Variants in EPHX2 observed in about 807,000 individuals in gnomAD.
The protein encoded by EPHX2 is epoxide hydrolase 2, also known as bifunctional epoxide hydrolase 2.
A neutral mutation model predicts 78.7 loss-of-function variants in EPHX2; 74 were observed. That is an observed-to-expected ratio of 0.94 (90% CI 0.78 to 1.14). The LOEUF (loss-of-function observed/expected upper bound fraction) is 1.14, where lower values mean the gene tolerates loss of function less well. EPHX2 is among the 50% of genes most tolerant of loss of function. EPHX2 has a pLI of 0.00. For missense variants in EPHX2, 715 were observed against 702.5 expected (o/e 1.02, Z -0.20); for synonymous variants, 251 against 255.2 (o/e 0.98, Z 0.16).
intron 2 of EPHX2, among the ~76,000 whole-genome samples, chr8:27,503,041 G>A (rs971043517): frequency 2.0e-5 from 3 of 152,172 alleles, no homozygotes; most frequent in Non-Finnish European, 4.4e-5. Context: ...GGGCCTTCAG[G>A]AAGTAATTGG....
At chr8:27,500,525 CA>C (rs563504341) in intron 1 of EPHX2, among the ~76,000 whole-genome samples, 5 of 152,246 alleles carry the variant, frequency 3.3e-5, no homozygotes, top group African/African-American at 9.6e-5. Flanking sequence ...ATCGAAACCA[CA>C]AAAAACATAT....
At chr8:27,528,047 G>T (rs1814909424) in intron 12 of EPHX2, among the ~76,000 whole-genome samples, 1 of 152,096 alleles carries the variant, frequency 6.6e-6, no homozygotes, top group Admixed American at 6.5e-5. Flanking sequence ...GCGCTATGGG[G>T]AGTCAAGCAG....
rs1345258209 is a variant in EPHX2 at position 27,544,781 on chromosome 8, T to C, written c.*259T>C. 4.0e-6 allele frequency: 2 copies of C among 499,948 alleles called. No individual in the cohort carries two copies. Among genetic ancestry groups the C allele is most frequent in the African/African-American group, 1.9e-5 (1 of 52,030 alleles). The allele number at this position is 499,948 out of a possible 1,614,324, so 31.0% of individuals were successfully genotyped here. On this transcript the variant is annotated 3_prime_UTR_variant, in exon 19 of 19. Coordinates refer to ENST00000521400, the MANE Select transcript of EPHX2 (RefSeq NM_001979.6). ...TTATCTGTAAGAACCCTTAGTGTCC[T>C]GTAGGGGGACAGAATGGGGTGGCCA...
At chr8:27,538,731 C>CTGAA in intron 14 of EPHX2, 39 bp downstream of exon 14, 1 of 1,604,554 alleles carries the variant, frequency 6.2e-7, no homozygotes, top group Non-Finnish European at 8.5e-7. Context: ...CTGGAACCAG[C>CTGAA]TGAATGTTAA....
intron 11 of EPHX2, among the ~76,000 whole-genome samples, chr8:27,525,106 G>GCGCA (rs1814788290): frequency 7.4e-6 from 1 of 134,976 alleles, no homozygotes; most frequent in African/African-American, 3.1e-5. Context: ...GTGTGTGTGT[G>GCGCA]TGCGCGCGCG....
chr8:27,503,776 T>TA lies in EPHX2; in HGVS notation c.346+14dup. On this transcript the variant is annotated intron_variant, in intron 3 of 18. Transcript: ENST00000521400. ...CTCAGGAAGAAAGGTAAGGATCTGA[T>TA]ACTGGCCAATCTCAGGCCGAACCAC... The TA allele has an allele frequency of 2.5e-6, 4 of 1,606,868 alleles. No individual in the cohort carries two copies. Among genetic ancestry groups the TA allele is most frequent in the Non-Finnish European group, 3.4e-6 (4 of 1,178,890 alleles).
chr8:27,532,044 A>G (rs1221431959), intron 12 of EPHX2, among the ~76,000 whole-genome samples: 1 of 151,962 alleles, frequency 6.6e-6, no homozygotes, highest in Non-Finnish European at 1.5e-5. Flanking sequence ...CGCACATGGG[A>G]AGTAAATTGA....
chr8:27,497,689 G>A (rs950124244), intron 1 of EPHX2, among the ~76,000 whole-genome samples: 5 of 152,184 alleles, frequency 3.3e-5, no homozygotes, highest in Non-Finnish European at 1.5e-5. Flanking sequence ...TCAGGTGACA[G>A]GGGAGTATAT....
chr8:27,537,755 C>A (rs1815259113), intron 13 of EPHX2, among the ~76,000 whole-genome samples: 1 of 151,982 alleles, frequency 6.6e-6, no homozygotes, highest in South Asian at 2.1e-4. Context: ...ATTTCTAATT[C>A]TCTCTTGTTT....
chr8:27,501,863 A>G (rs965721856), intron 2 of EPHX2, among the ~76,000 whole-genome samples: 6 of 152,186 alleles, frequency 3.9e-5, no homozygotes, highest in African/African-American at 1.4e-4. Flanking sequence ...AGCCTGGAAA[A>G]CTAAATTATA....
intron 3 of EPHX2, 118 bp downstream of exon 3, chr8:27,503,881 G>C: frequency 1.5e-6 from 2 of 1,310,444 alleles, no homozygotes; most frequent in Admixed American, 5.0e-5. Context: ...ACGATGGAAA[G>C]CCTCTTTAAA....
chr8:27,507,076 C>T, intron 5 of EPHX2, 82 bp downstream of exon 5: 1 of 1,550,466 alleles, frequency 6.4e-7, no homozygotes, highest in South Asian at 1.2e-5. Flanking sequence ...AGCAGAGAAG[C>T]TGCTGTCCGT....
chr8:27,546,218 G>A (rs1815574438), downstream of EPHX2, among the ~76,000 whole-genome samples: 1 of 151,858 alleles, frequency 6.6e-6, no homozygotes, highest in African/African-American at 2.4e-5. Flanking sequence ...TACTCGCCTT[G>A]TGACCTTGAA....
Position 27,501,095 on chromosome 8 carries a change from A to G in EPHX2, c.186+85A>G, listed in dbSNP as rs773541086. ...CTCCCCGAACTTGGGGCCCACCATA[A>G]TAGAAAACACCCACCTTTTCTGTGA... On this transcript the variant is annotated intron_variant, in intron 2 of 18. Coordinates refer to ENST00000521400, the MANE Select transcript of EPHX2 (RefSeq NM_001979.6). 238 of 1,163,830 alleles carry G rather than the reference A, an allele frequency of 2.0e-4. 1 individual carries two copies. The highest frequency in any genetic ancestry group is 2.7e-4 in the Non-Finnish European group (216 of 796,836). The allele number at this position is 1,163,830 out of a possible 1,614,324, so 72.1% of individuals were successfully genotyped here. A position where few individuals can be genotyped will look rare whatever the true frequency, so the allele number is the denominator to read the frequency against.
At chr8:27,494,998 G>C (rs968291684) in intron 1 of EPHX2, among the ~76,000 whole-genome samples, 2 of 152,232 alleles carry the variant, frequency 1.3e-5, no homozygotes, top group Non-Finnish European at 2.9e-5. Flanking sequence ...GGTTCCACCT[G>C]GCAGCAATTT....
At chr8:27,504,148 A>G (rs1344872053) in intron 3 of EPHX2, among the ~76,000 whole-genome samples, 2 of 152,234 alleles carry the variant, frequency 1.3e-5, no homozygotes, top group Non-Finnish European at 2.9e-5. Flanking sequence ...GAGTTGGCTG[A>G]CATGGGCTCA....
At chr8:27,520,995 G>T in intron 10 of EPHX2, 86 bp downstream of exon 10, 1 of 1,573,066 alleles carries the variant, frequency 6.4e-7, no homozygotes, top group Middle Eastern at 1.7e-4. Flanking sequence ...TCGAGCAGAG[G>T]TGCACGGGCA....
Position 27,504,983 on chromosome 8 carries a change from C to A in EPHX2, c.374C>A (p.Thr125Asn). 6.2e-7 allele frequency: 1 copy of A among 1,614,140 alleles called. No homozygotes were observed. ...TTCACTACTGCCATCCTCACCAACA[C>A]CTGGCTGGACGACCGTGCTGAGAGA... Reference protein sequence around the residue: ...KGFTTAILTNTWLDDRAERDG... With the variant: ...KGFTTAILTNNWLDDRAERDG... Residue 125 changes from threonine to asparagine, a missense_variant, in exon 4 of 19, where the codon ACC (threonine) becomes AAC (asparagine). Thr to Asn is a moderately conservative substitution (Grantham distance 65). Coordinates refer to ENST00000521400, the MANE Select transcript of EPHX2 (RefSeq NM_001979.6).
chr8:27,500,818 G>A (rs940099185), intron 1 of EPHX2, 108 bp from the exon 2 acceptor site: 3 of 999,950 alleles, frequency 3.0e-6, no homozygotes, highest in Admixed American at 4.3e-5. Context: ...GTTCCTGGCA[G>A]TATCCCTTTC....
Sources: gnomAD v4.1 joint callset for allele counts (sites outside exome capture counted in the v4.1 genomes callset) on GRCh38, gnomAD v4.1.1 for gene constraint, MANE v1.5 for transcripts, NCBI Gene and HGNC (gene_info 2026-07-23, HGNC 2026-07-21) for gene names.